The following NAALADL1 variants were observed in gnomAD, a reference collection of about 807,000 sequenced individuals.
NAALADL1 encodes aminopeptidase NAALADL1.
NAALADL1 carries 77 observed loss-of-function variants against 82.8 expected under a neutral mutation model. That is an observed-to-expected ratio of 0.93 (90% CI 0.77 to 1.12). The LOEUF is 1.12. Among genes scored for constraint, NAALADL1 ranks in the 50% most tolerant of loss-of-function variants. The pLI, the probability that NAALADL1 is intolerant of heterozygous loss-of-function variation, is 0.00. For synonymous variants in NAALADL1, 358 were observed against 399.2 expected, an observed-to-expected ratio of 0.90 and a Z score of 1.23; for missense variants, 956 against 964.0, an observed-to-expected ratio of 0.99 and a Z score of 0.11.
chr11:65,048,062 G>C lies in NAALADL1; in HGVS notation c.1349-14C>G. ...GGGTAGCGTTGGCTGTGGGAGGAGG[G>C]GAGAAAGACTATTTGGGCCCCAGCC... On this transcript the variant is annotated splice_polypyrimidine_tract_variant and intron_variant, in intron 10 of 17. Coordinates refer to ENST00000358658, the MANE Select transcript of NAALADL1 (RefSeq NM_005468.3). The C allele has an allele frequency of 6.2e-7, 1 of 1,614,042 alleles. No individual in the cohort carries two copies. Among genetic ancestry groups the C allele is most frequent in the Non-Finnish European group, 8.5e-7 (1 of 1,179,984 alleles).
rs1946988237 is a variant in NAALADL1 at position 65,054,670 on chromosome 11, A to G, written c.672T>C (p.Asp224=). 6.2e-7 allele frequency: 1 copy of G among 1,614,034 alleles called. No individual in the cohort carries two copies. Among genetic ancestry groups the G allele is most frequent in the Non-Finnish European group, 8.5e-7 (1 of 1,180,048 alleles). ...AGGTTTCGTCGGGTGAGCTCAGCCC[A>G]TCGTTGATGTCGGCAGGGTCTGTGT... ...LVYTDPADIN[D]GLSSPDETFP... The change falls in exon 5 of 18, where the codon GAT becomes GAC. Residue 224 remains aspartate (D), a synonymous_variant. Transcript: ENST00000358658. The surrounding 1 kb of genome is among the most constrained non-coding windows in gnomAD (Gnocchi z 4.3).
chr11:65,046,575 G>A (rs1236852665), intron 13 of NAALADL1, 49 bp from the exon 14 acceptor site: 2 of 1,581,688 alleles, frequency 1.3e-6, no homozygotes, highest in African/African-American at 1.3e-5. Flanking sequence ...GGAAGTGGGA[G>A]AAGGTGTACC....
chr11:65,045,489 AGT>A (rs756971092), intron 17 of NAALADL1, 32 bp from the exon 18 acceptor site: 1 of 1,566,458 alleles, frequency 6.4e-7, no homozygotes, highest in Non-Finnish European at 8.7e-7. Flanking sequence ...GATCAGGGTC[AGT>A]CAGTCAGGGG....
Position 65,045,096 on chromosome 11 carries a change from G to A in NAALADL1, c.*175C>T. The A allele has an allele frequency of 1.4e-6, 1 of 715,078 alleles. No homozygotes were observed. The highest frequency in any genetic ancestry group is 2.3e-6 in the Non-Finnish European group (1 of 442,218). The allele number at this position is 715,078 out of a possible 1,614,324, so 44.3% of individuals were successfully genotyped here. On this transcript the variant is annotated 3_prime_UTR_variant, in exon 18 of 18. Coordinates refer to ENST00000358658, the MANE Select transcript of NAALADL1 (RefSeq NM_005468.3). ...TCTGCCACCTAAGCACCAGGATGAG[G>A]GTGAGTTGCATTAGGGCTTGCCACT... is the stretch of plus-strand genomic sequence containing the variant.
Position 65,053,400 on chromosome 11 carries a change from C to G in NAALADL1, c.1079-63G>C. 1.9e-6 allele frequency: 3 copies of G among 1,612,352 alleles called. No individual in the cohort carries two copies. The highest frequency in any genetic ancestry group is 2.5e-6 in the Non-Finnish European group (3 of 1,179,240). On this transcript the variant is annotated intron_variant, in intron 7 of 17. Coordinates refer to ENST00000358658, the MANE Select transcript of NAALADL1 (RefSeq NM_005468.3). The surrounding 1 kb of genome is among the most constrained non-coding windows in gnomAD (Gnocchi z 4.3). ...GGAGAGGTGGGCAGGGGGAGCTGGGCTGGGTGGTGGCAAGGGCAGGGCTGG... is the reference window on the plus strand; with the variant it reads ...GGAGAGGTGGGCAGGGGGAGCTGGGGTGGGTGGTGGCAAGGGCAGGGCTGG...
intron 17 of NAALADL1, 61 bp from the exon 18 acceptor site, chr11:65,045,518 T>G: frequency 6.7e-7 from 1 of 1,492,924 alleles, no homozygotes; most frequent in Middle Eastern, 2.3e-4. Context: ...AAGAGAAGCC[T>G]GGGCCTAGAA....
intron 4 of NAALADL1, among the ~76,000 whole-genome samples, chr11:65,055,128 G>A (rs1947003584): frequency 6.6e-6 from 1 of 152,240 alleles, no homozygotes. Flanking sequence ...GAGGCCGGGT[G>A]GGGTGGCTCA....
chr11:65,045,412 C>G lies in NAALADL1; in HGVS notation c.2082G>C (p.Pro694=), dbSNP rs748746946. ...APRTGSVVTF[P]GLSNACSRAR... Reference sequence around the variant, plus strand: ...CCCTGGAGCAGGCATTGGATAGGCCCGGGAATGTGACTACGGAGCCCGTGC... The same window carrying G: ...CCCTGGAGCAGGCATTGGATAGGCCGGGGAATGTGACTACGGAGCCCGTGC... The change falls in exon 18 of 18, where the codon CCG becomes CCC. Residue 694 remains proline, a synonymous_variant. Transcript: ENST00000358658. 6.2e-7 allele frequency: 1 copy of G among 1,612,996 alleles called. No homozygotes were observed. The highest frequency in any genetic ancestry group is 8.5e-7 in the Non-Finnish European group (1 of 1,179,738).
Position 65,045,270 on chromosome 11 carries a change from G to A in NAALADL1, c.*1C>T, listed in dbSNP as rs757027806. On this transcript the variant is annotated 3_prime_UTR_variant, in exon 18 of 18. Transcript: ENST00000358658. The stretch of plus-strand genomic sequence containing the variant: ...GGAGGGCTGAAGAAAGAGGGCTGGG[G>A]TCAGAGGTCAGCCACAGGCCTCAGG... The A allele has an allele frequency of 8.1e-6, 13 of 1,604,608 alleles. No individual in the cohort carries two copies. The Admixed American group carries it at 1.4e-4, about 17-fold the overall frequency.
At position 65,045,425 on chromosome 11, in the gene NAALADL1, A is replaced by G. The variant is rs1442116499; in HGVS notation, c.2069T>C (p.Val690Ala). The change falls in exon 18 of 18, where the codon GTA (valine) becomes GCA (alanine). Residue 690 changes from valine (V) to alanine (A), a missense_variant. By Grantham distance (64) the Val-to-Ala change is moderately conservative. Coordinates refer to ENST00000358658, the MANE Select transcript of NAALADL1 (RefSeq NM_005468.3). ...ATTGGATAGGCCCGGGAATGTGACT[A>G]CGGAGCCCGTGCGAGGTGCCCAGAG... ...HVLWAPRTGS[V>A]VTFPGLSNAC... The G allele has an allele frequency of 1.2e-6, 2 of 1,612,294 alleles. No individual in the cohort carries two copies. The highest frequency in any genetic ancestry group is 1.1e-5 in the South Asian group (1 of 90,890).
intron 8 of NAALADL1, among the ~76,000 whole-genome samples, chr11:65,051,709 G>A (rs887844988): frequency 6.6e-6 from 1 of 152,042 alleles, no homozygotes; most frequent in South Asian, 2.1e-4. Context: ...GCGTGTTTGT[G>A]TGCAATTACA....
In NAALADL1 at chr11:65,045,922, G is replaced by C. The variant is rs1308006495; in HGVS notation, c.1944-8C>G. The C allele has an allele frequency of 6.2e-7, 1 of 1,613,704 alleles. No homozygotes were observed. Among genetic ancestry groups the C allele is most frequent in the Admixed American group, 1.7e-5 (1 of 59,976 alleles). ...ATCCGGACCTGCAGGGGGCTGGTGG[G>C]GAGGCAGGAACTGCCAGTCACCCTG... On this transcript the variant is annotated splice_polypyrimidine_tract_variant and splice_region_variant and intron_variant, in intron 16 of 17. Transcript: ENST00000358658.
rs772716686 is a variant in NAALADL1, at chr11:65,057,858, G to C, written c.480+17C>G. On this transcript the variant is annotated intron_variant, in intron 3 of 17. Coordinates refer to ENST00000358658, the MANE Select transcript of NAALADL1 (RefSeq NM_005468.3). Reference sequence around the variant, plus strand: ...AAGGGAGCTGGGCCAGAGCAGTAGGGGGGGTTCTGGGCCCACCTGTGGGGT... The same window carrying C: ...AAGGGAGCTGGGCCAGAGCAGTAGGCGGGGTTCTGGGCCCACCTGTGGGGT... The C allele has an allele frequency of 2.0e-5, 33 of 1,612,982 alleles. No individual in the cohort carries two copies. The South Asian group carries it at 3.6e-4, about 18-fold the overall frequency.
At position 65,051,169 on chromosome 11, in the gene NAALADL1, C is replaced by T. The variant is rs1416558996; in HGVS notation, c.1198+2049G>A. Among the ~76,000 whole-genome samples the T allele has an allele frequency of 4.6e-5, 7 of 152,026 alleles. No individual in the cohort carries two copies. The East Asian group carries it at 9.6e-4, about 21-fold the overall frequency. ...TCTGCGCTACCCATAAGGGTAAAGT[C>T]GAAAGCCCAGCCTCTCTCCACAAGC... On this transcript the variant is annotated intron_variant, in intron 8 of 17. Transcript: ENST00000358658.
At chr11:65,057,843 G>A (rs1337994001) in intron 3 of NAALADL1, 32 bp downstream of exon 3, 2 of 1,611,782 alleles carry the variant, frequency 1.2e-6, no homozygotes, top group Non-Finnish European at 1.7e-6. Context: ...AAGGGAGCTG[G>A]GCCAGAGCAG....
At chr11:65,057,696 C>T (rs1273850673) in intron 3 of NAALADL1, among the ~76,000 whole-genome samples, 179 bp downstream of exon 3, 1 of 152,090 alleles carries the variant, frequency 6.6e-6, no homozygotes, top group East Asian at 1.9e-4. Flanking sequence ...TGAGCAGAGC[C>T]ACTAGTGTTT....
At chr11:65,056,712 CTTTTTTTT>C (rs60069296) in intron 4 of NAALADL1, among the ~76,000 whole-genome samples, 159 of 133,232 alleles carry the variant, frequency 1.2e-3, no homozygotes, top group East Asian at 3.4e-3. Context: ...CATGCCCAGC[CTTTTTTTT>C]TTTTTTTTTT....
upstream of NAALADL1, among the ~76,000 whole-genome samples, chr11:65,061,163 T>C (rs1023905255): frequency 2.6e-5 from 4 of 152,206 alleles, no homozygotes; most frequent in Non-Finnish European, 4.4e-5. Context: ...CAGAGTCACG[T>C]GGCCTCCCGG....
chr11:65,047,365 G>A, intron 13 of NAALADL1, 110 bp downstream of exon 13: 3 of 864,698 alleles, frequency 3.5e-6, no homozygotes, highest in Non-Finnish European at 5.3e-6. Context: ...CTTGGCAGAG[G>A]TAGCAATGAG....
Sources: allele counts gnomAD v4.1 joint callset (sites outside exome capture counted in the v4.1 genomes callset), GRCh38; gene constraint gnomAD v4.1.1; non-coding constraint Gnocchi (gnomAD v3.1); transcripts MANE v1.5; gene names NCBI Gene and HGNC (gene_info 2026-07-23, HGNC 2026-07-21).